NAALAD2: variants seen among roughly 807,000 people sequenced by gnomAD.
NAALAD2 encodes N-acetylated-alpha-linked acidic dipeptidase 2.
Under a neutral mutation model 95.6 loss-of-function variants are expected in NAALAD2, and 89 were observed. The ratio of observed to expected loss-of-function variants is 0.93; its 90% CI spans 0.78 to 1.11. The LOEUF is 1.11. NAALAD2 is among the 50% of genes least tolerant of loss of function. NAALAD2 has a pLI of 0.00. For synonymous variants in NAALAD2, 264 were observed against 294.4 expected (o/e 0.90, Z 1.06); for missense variants, 894 against 872.4 (o/e 1.02, Z -0.31).
intron 13 of NAALAD2, among the ~76,000 whole-genome samples, chr11:90,170,809 TAAAA>T (rs1302600111): frequency 6.6e-6 from 1 of 152,076 alleles, no homozygotes; most frequent in African/African-American, 2.4e-5. Flanking sequence ...ACACAGTATC[TAAAA>T]AAGATGTGGA....
intron 13 of NAALAD2, among the ~76,000 whole-genome samples, chr11:90,172,787 T>C (rs1288388040): frequency 6.6e-6 from 1 of 151,972 alleles, no homozygotes; most frequent in Non-Finnish European, 1.5e-5. Context: ...TATAGAAAAA[T>C]TAAGAATAGT....
chr11:90,185,520 A>T (rs550606509), intron 18 of NAALAD2, among the ~76,000 whole-genome samples: 1 of 152,182 alleles, frequency 6.6e-6, no homozygotes. Flanking sequence ...AAAATTTTTT[A>T]AAGTAGCTGG....
At chr11:90,138,052 C>G (rs1472835685) in intron 2 of NAALAD2, among the ~76,000 whole-genome samples, 2 of 151,988 alleles carry the variant, frequency 1.3e-5, no homozygotes, top group Non-Finnish European at 2.9e-5. Flanking sequence ...TTTTAATTCC[C>G]CCAAAACTTA....
In NAALAD2 at chr11:90,173,817, T is replaced by C. The variant is rs1170267354; in HGVS notation, c.1411-7T>C. The C allele has an allele frequency of 6.2e-7, 1 of 1,602,602 alleles. No homozygotes were observed. The highest frequency in any genetic ancestry group is 8.5e-7 in the Non-Finnish European group (1 of 1,176,232). ...CCTAATTTCCAGTATTTGATTTCTCTTTCCAGATCCCCAGCCCTGATGATG... is the reference window on the plus strand; with the variant it reads ...CCTAATTTCCAGTATTTGATTTCTCCTTCCAGATCCCCAGCCCTGATGATG... On this transcript the variant is annotated splice_region_variant and splice_polypyrimidine_tract_variant and intron_variant, in intron 13 of 18. Transcript: ENST00000534061.
chr11:90,167,106 T>C (rs950847589), intron 11 of NAALAD2, among the ~76,000 whole-genome samples: 3 of 152,208 alleles, frequency 2.0e-5, no homozygotes, highest in African/African-American at 7.2e-5. Context: ...GAGGAGCCCT[T>C]CAGCCCGCCG....
intron 3 of NAALAD2, among the ~76,000 whole-genome samples, chr11:90,148,253 A>C (rs1356279304): frequency 4.6e-5 from 7 of 152,158 alleles, no homozygotes; most frequent in Non-Finnish European, 1.5e-5. Context: ...AAAGATAATA[A>C]AGTTTTAAAT....
intron 7 of NAALAD2, chr11:90,158,921 A>G (rs1952202797): frequency 3.7e-6 from 1 of 272,650 alleles, no homozygotes; most frequent in Non-Finnish European, 7.0e-6. Context: ...TGTATTTAGG[A>G]TATCTTGGAT....
chr11:90,143,143 G>T lies in NAALAD2; in HGVS notation c.195-4187G>T, dbSNP rs138124587. 1.5e-3 allele frequency among the ~76,000 whole-genome samples: 234 copies of T among 152,126 alleles called. 1 individual carries two copies. Among genetic ancestry groups the T allele is most frequent in the African/African-American group, 5.2e-3 (217 of 41,528 alleles). Reference sequence around the variant, plus strand: ...TGTAAACCAATTAAAGTTAAAATTAGTATTTCATGTTTCTTAGGTATTTAT... The same window carrying T: ...TGTAAACCAATTAAAGTTAAAATTATTATTTCATGTTTCTTAGGTATTTAT... On this transcript the variant is annotated intron_variant, in intron 2 of 18. Coordinates refer to ENST00000534061, the MANE Select transcript of NAALAD2 (RefSeq NM_005467.4).
intron 7 of NAALAD2, 85 bp from the exon 8 acceptor site, chr11:90,159,153 TG>T: frequency 1.0e-6 from 1 of 1,001,170 alleles, no homozygotes; most frequent in Non-Finnish European, 1.6e-6. Context: ...GTTATATATA[TG>T]AATGAAATAT....
At chr11:90,137,516 A>G (rs1951481061) in intron 2 of NAALAD2, among the ~76,000 whole-genome samples, 1 of 152,214 alleles carries the variant, frequency 6.6e-6, no homozygotes, top group Admixed American at 6.5e-5. Flanking sequence ...AAATTTAAAA[A>G]TAAATAATTT....
At chr11:90,180,174 T>C (rs1476597251) in intron 16 of NAALAD2, among the ~76,000 whole-genome samples, 2 of 152,146 alleles carry the variant, frequency 1.3e-5, no homozygotes, top group South Asian at 2.1e-4. Flanking sequence ...TCCTTTCTAC[T>C]CTAGTAAAAC....
At position 90,163,566 on chromosome 11, in the gene NAALAD2, C is replaced by A; in HGVS notation, c.1227C>A (p.Ala409=). The part of the protein sequence containing the change: ...GWRPRRTIIF[A]SWDAEEFGLL... The stretch of plus-strand genomic sequence containing the variant: ...GACCTAGAAGAACTATCATTTTTGC[C>A]AGCTGGGATGCAGAAGAATTTGGAC... Residue 409 remains alanine, a synonymous_variant, in exon 11 of 19, where the codon GCC becomes GCA. Coordinates refer to ENST00000534061, the MANE Select transcript of NAALAD2 (RefSeq NM_005467.4). 2 of 1,613,974 alleles carry A rather than the reference C, an allele frequency of 1.2e-6. No individual in the cohort carries two copies. Among genetic ancestry groups the A allele is most frequent in the Non-Finnish European group, 1.7e-6 (2 of 1,179,942 alleles).
chr11:90,191,840 A>C lies in NAALAD2; in HGVS notation c.*93A>C. ...AACTTATGAAGCCAGGGTGTTCTAA[A>C]CTCTTTTCATGTCATGTTTTGATTA... On this transcript the variant is annotated 3_prime_UTR_variant, in exon 19 of 19. Coordinates refer to ENST00000534061, the MANE Select transcript of NAALAD2 (RefSeq NM_005467.4). 1.0e-6 allele frequency: 1 copy of C among 986,438 alleles called. No homozygotes were observed. Among genetic ancestry groups the C allele is most frequent in the East Asian group, 2.9e-5 (1 of 34,996 alleles). The allele number at this position is 986,438 out of a possible 1,614,324, so 61.1% of individuals were successfully genotyped here. A position where few individuals can be genotyped will look rare whatever the true frequency, so the allele number is the denominator to read the frequency against.
chr11:90,167,588 G>A (rs1683842077), intron 11 of NAALAD2, among the ~76,000 whole-genome samples: 1 of 152,212 alleles, frequency 6.6e-6, no homozygotes, highest in Non-Finnish European at 1.5e-5. Context: ...TCCACTGAGT[G>A]AAGCCAGCTG....
chr11:90,167,525 C>T (rs556904483), intron 11 of NAALAD2, among the ~76,000 whole-genome samples: 3 of 152,322 alleles, frequency 2.0e-5, no homozygotes, highest in East Asian at 1.9e-4. Context: ...TGAGAAGTGC[C>T]GGCGCACATC....
At chr11:90,131,877 C>T (rs1267430143), upstream of NAALAD2, 5 of 152,222 alleles carry the variant, frequency 3.3e-5, no homozygotes, top group East Asian at 9.7e-4. Flanking sequence ...TGTCAAATAG[C>T]TTCATTGAGA....
At chr11:90,135,092 A>G (rs1951421319) in intron 1 of NAALAD2, 1 of 487,028 alleles carries the variant, frequency 2.1e-6, no homozygotes, top group Non-Finnish European at 3.7e-6. Flanking sequence ...GACAACCTAC[A>G]GCTGTCACTG....
chr11:90,182,944 C>A lies in NAALAD2; in HGVS notation c.1969C>A (p.Gln657Lys), dbSNP rs1274933375. 6.2e-7 allele frequency: 1 copy of A among 1,611,516 alleles called. No homozygotes were observed. Among genetic ancestry groups the A allele is most frequent in the South Asian group, 1.1e-5 (1 of 90,846 alleles). Reference protein sequence around the residue: ...NPIAVRMMNDQLMLLERAFID... With the variant: ...NPIAVRMMNDKLMLLERAFID... ...CATTGCAGTGAGAATGATGAATGAC[C>A]AACTGATGCTCCTGGAAAGAGCATT... Residue 657 changes from glutamine (Q) to lysine (K), a missense_variant, in exon 18 of 19, where the codon CAA becomes AAA. Coordinates refer to ENST00000534061, the MANE Select transcript of NAALAD2 (RefSeq NM_005467.4).
intron 13 of NAALAD2, among the ~76,000 whole-genome samples, chr11:90,170,538 C>T (rs1184971574): frequency 6.6e-6 from 1 of 152,106 alleles, no homozygotes; most frequent in African/African-American, 2.4e-5. Flanking sequence ...ATTATAGCAG[C>T]AATAGTGATA....
Sources: allele counts gnomAD v4.1 joint callset (sites outside exome capture counted in the v4.1 genomes callset), GRCh38; gene constraint gnomAD v4.1.1; transcripts MANE v1.5; gene names NCBI Gene and HGNC (gene_info 2026-07-23, HGNC 2026-07-21).